ZNRF3: variants seen among roughly 807,000 people sequenced by gnomAD.
ZNRF3 encodes zinc and ring finger 3, also known as E3 ubiquitin-protein ligase ZNRF3.
In ZNRF3, 23 loss-of-function variants were observed where a neutral mutation model predicts 72.5. The ratio of observed to expected loss-of-function variants is 0.32; its 90% CI spans 0.23 to 0.45. The LOEUF (loss-of-function observed/expected upper bound fraction) is 0.45, where lower values mean the gene tolerates loss of function less well. Among genes scored for constraint, ZNRF3 ranks in the 20% least tolerant of loss-of-function variants. ZNRF3 has a pLI of 1.00. For synonymous variants in ZNRF3, 610 were observed against 545.3 expected (o/e 1.12, Z -1.65); for missense variants, 1,169 against 1,272.1 (o/e 0.92, Z 1.23).
chr22:28,934,912 CA>C (rs1207732731), intron 1 of ZNRF3, among the ~76,000 whole-genome samples: 1 of 151,830 alleles, frequency 6.6e-6, no homozygotes, highest in African/African-American at 2.4e-5. Context: ...GCTGGGTTTC[CA>C]GTTTTTTTTT....
At chr22:28,919,156 T>C (rs961602765) in intron 1 of ZNRF3, among the ~76,000 whole-genome samples, 1 of 152,164 alleles carries the variant, frequency 6.6e-6, no homozygotes, top group Non-Finnish European at 1.5e-5. Flanking sequence ...CCAACCTGTT[T>C]CTCCCCACAG....
intron 1 of ZNRF3, among the ~76,000 whole-genome samples, chr22:28,888,239 TAATTTTAGG>T (rs1257951815): frequency 2.6e-5 from 4 of 152,058 alleles, no homozygotes; most frequent in Non-Finnish European, 5.9e-5. Flanking sequence ...TCACAGAGAG[TAATTTTAGG>T]AAACTAATTC....
chr22:29,050,611 C>T lies in ZNRF3; in HGVS notation c.2430C>T (p.Leu810=), dbSNP rs1256349133. The change falls in exon 8 of 9, where the codon CTC becomes CTT. Residue 810 remains leucine (L), a synonymous_variant. Transcript: ENST00000544604. ...EDYSVSVQYT[L]TEEPPPGCYP... ...ACTCGGTGAGTGTGCAGTACACGCTCACCGAGGAACCACCGCCCGGCTGCT... is the reference window on the plus strand; with the variant it reads ...ACTCGGTGAGTGTGCAGTACACGCTTACCGAGGAACCACCGCCCGGCTGCT... 1.2e-6 allele frequency: 2 copies of T among 1,609,856 alleles called. No homozygotes were observed. Among genetic ancestry groups the T allele is most frequent in the East Asian group, 2.2e-5 (1 of 44,712 alleles).
chr22:28,922,123 C>T (rs942026126), intron 1 of ZNRF3, among the ~76,000 whole-genome samples: 2 of 152,280 alleles, frequency 1.3e-5, no homozygotes, highest in Non-Finnish European at 2.9e-5. Flanking sequence ...CTCTTAAGTA[C>T]TTATGTGTGG....
At position 29,030,060 on chromosome 22, in the gene ZNRF3, G is replaced by A. The variant is rs2036715961; in HGVS notation, c.427-12435G>A. 6.6e-6 allele frequency among the ~76,000 whole-genome samples: 1 copy of A among 152,162 alleles called. No homozygotes were observed. The highest frequency in any genetic ancestry group is 6.5e-5 in the Admixed American group (1 of 15,280). On this transcript the variant is annotated intron_variant, in intron 2 of 8. Coordinates refer to ENST00000544604, the MANE Select transcript of ZNRF3 (RefSeq NM_001206998.2). This position sits in a 1 kb window ranked among gnomAD's most constrained non-coding sequence, Gnocchi z 4.2. ...CCAAAAGCTTATCTTCCAGGCATAGGCAGGTAATGAAACAACCCAACTGCG... is the reference window on the plus strand; with the variant it reads ...CCAAAAGCTTATCTTCCAGGCATAGACAGGTAATGAAACAACCCAACTGCG...
intron 1 of ZNRF3, among the ~76,000 whole-genome samples, chr22:28,914,834 T>A (rs1192691221): frequency 1.3e-5 from 2 of 148,960 alleles, no homozygotes; most frequent in African/African-American, 4.9e-5. Flanking sequence ...AAAAAAAAAA[T>A]TAGGTTAACC....
Position 29,045,637 on chromosome 22 carries a change from C to T in ZNRF3, c.744+747C>T, listed in dbSNP as rs567605081. On this transcript the variant is annotated intron_variant, in intron 5 of 8. Coordinates refer to ENST00000544604, the MANE Select transcript of ZNRF3 (RefSeq NM_001206998.2). ...CCAAGTAGCTGGAATTACAGGCACC[C>T]GGCTAATTTTTGTATTTTTAATAGA... is the stretch of plus-strand genomic sequence containing the variant. 4.6e-5 allele frequency among the ~76,000 whole-genome samples: 7 copies of T among 152,102 alleles called. No homozygotes were observed. In the South Asian group the frequency reaches 6.3e-4, roughly 14 times the overall value.
chr22:29,036,215 A>T (rs2036866128), intron 2 of ZNRF3, among the ~76,000 whole-genome samples: 1 of 152,040 alleles, frequency 6.6e-6, no homozygotes, highest in African/African-American at 2.4e-5. Context: ...AATAGCAAAA[A>T]CTCTAAAGAT....
intron 2 of ZNRF3, among the ~76,000 whole-genome samples, chr22:29,040,190 T>C (rs2036935742): frequency 1.3e-5 from 2 of 151,970 alleles, no homozygotes; most frequent in South Asian, 4.2e-4. Flanking sequence ...CTCCCCCTTT[T>C]TTTTTTTGAG....
At position 29,049,193 on chromosome 22, in the gene ZNRF3, C is replaced by T; in HGVS notation, c.1016-4C>T. On this transcript the variant is annotated splice_polypyrimidine_tract_variant and splice_region_variant and intron_variant, in intron 7 of 8. Coordinates refer to ENST00000544604, the MANE Select transcript of ZNRF3 (RefSeq NM_001206998.2). The surrounding 1 kb of genome is among the most constrained non-coding windows in gnomAD (Gnocchi z 5.2). ...CCTACTCTGTTTCCTCCACTTGTCT[C>T]CAGAACAAAAGGGAAACCCAAGCGC... 1.3e-6 allele frequency: 2 copies of T among 1,584,798 alleles called. No individual in the cohort carries two copies. The highest frequency in any genetic ancestry group is 1.3e-5 in the African/African-American group (1 of 74,524).
chr22:28,917,548 A>C (rs2034430921), intron 1 of ZNRF3: 1 of 699,136 alleles, frequency 1.4e-6, no homozygotes, highest in Admixed American at 6.3e-5. Flanking sequence ...GAATTTGAAG[A>C]GTATATAAAA....
intron 1 of ZNRF3, among the ~76,000 whole-genome samples, chr22:28,956,670 A>G (rs138884905): frequency 6.6e-6 from 1 of 152,334 alleles, no homozygotes; most frequent in Non-Finnish European, 1.5e-5. Context: ...AAAGCAGGTC[A>G]GTGTAGAGGA....
chr22:28,963,326 C>T (rs1035046429), intron 1 of ZNRF3, among the ~76,000 whole-genome samples: 4 of 152,202 alleles, frequency 2.6e-5, no homozygotes, highest in African/African-American at 4.8e-5. Context: ...GCTACAGATT[C>T]ACCTCATTGC....
chr22:29,041,446 A>G (rs1036143288), intron 2 of ZNRF3, among the ~76,000 whole-genome samples: 1 of 152,294 alleles, frequency 6.6e-6, no homozygotes, highest in African/African-American at 2.4e-5. Flanking sequence ...ATGGAATTAG[A>G]AGGTTCTTTG....
intron 6 of ZNRF3, among the ~76,000 whole-genome samples, chr22:29,047,609 C>CT (rs2037100286): frequency 6.6e-6 from 1 of 152,146 alleles, no homozygotes; most frequent in Non-Finnish European, 1.5e-5. Flanking sequence ...TGACATGGGC[C>CT]TGACACTGAC....
intron 1 of ZNRF3, among the ~76,000 whole-genome samples, chr22:28,915,774 A>G (rs905316854): frequency 2.0e-5 from 3 of 152,238 alleles, no homozygotes; most frequent in Non-Finnish European, 4.4e-5. Context: ...CAGACTGTAC[A>G]GTTTCAGTAA....
At chr22:28,999,003 C>T (rs1338896179) in intron 2 of ZNRF3, among the ~76,000 whole-genome samples, 1 of 151,908 alleles carries the variant, frequency 6.6e-6, no homozygotes, top group Admixed American at 6.6e-5. Flanking sequence ...GTATGACTGG[C>T]CAGCTGAAAA....
Position 29,049,386 on chromosome 22 carries a change from A to T in ZNRF3, c.1205A>T (p.His402Leu). 1 of 1,612,336 alleles carries T rather than the reference A, an allele frequency of 6.2e-7. No individual in the cohort carries two copies. The highest frequency in any genetic ancestry group is 1.3e-5 in the African/African-American group (1 of 75,000). ...GTCACCTTGCTGACCATGGACCGGCACGGGGAGCAGAGCCTCTATTCCCCG... is the reference window on the plus strand; with the variant it reads ...GTCACCTTGCTGACCATGGACCGGCTCGGGGAGCAGAGCCTCTATTCCCCG... ...NPVTLLTMDR[H>L]GEQSLYSPQT... The change falls in exon 8 of 9, where the codon CAC (histidine) becomes CTC (leucine). Residue 402 changes from histidine (H) to leucine (L), a missense_variant. By Grantham distance (99) the His-to-Leu change is moderately conservative. Coordinates refer to ENST00000544604, the MANE Select transcript of ZNRF3 (RefSeq NM_001206998.2). The surrounding 1 kb of genome is among the most constrained non-coding windows in gnomAD (Gnocchi z 5.2).
chr22:28,947,392 A>G (rs1009040512), intron 1 of ZNRF3, among the ~76,000 whole-genome samples: 31 of 152,302 alleles, frequency 2.0e-4, no homozygotes, highest in African/African-American at 7.5e-4. Context: ...TTGCTGGGTC[A>G]TATTTGCCAC....
Sources: gnomAD v4.1 joint callset for allele counts (sites outside exome capture counted in the v4.1 genomes callset) on GRCh38, gnomAD v4.1.1 for gene constraint, Gnocchi (gnomAD v3.1) non-coding constraint, MANE v1.5 for transcripts, NCBI Gene and HGNC (gene_info 2026-07-23, HGNC 2026-07-21) for gene names.